The following ARHGEF7 variants were observed in gnomAD, a reference collection of about 807,000 sequenced individuals.
ARHGEF7 encodes the protein PAK-interacting exchange factor beta.
A neutral mutation model predicts 109.8 loss-of-function variants in ARHGEF7; 33 were observed. That is an observed-to-expected ratio of 0.30 (90% CI 0.23 to 0.40). The LOEUF (loss-of-function observed/expected upper bound fraction) is 0.40. Among genes scored for constraint, ARHGEF7 ranks in the 10% least tolerant of loss-of-function variants. The pLI, the probability that ARHGEF7 is intolerant of heterozygous loss-of-function variation, is 1.00. For synonymous variants in ARHGEF7, 458 were observed against 424.6 expected (o/e 1.08, Z -0.97); for missense variants, 938 against 1,098.5 (o/e 0.85, Z 2.07).
At position 111,273,415 on chromosome 13, in the gene ARHGEF7, A is replaced by C. The variant is rs925322285; in HGVS notation, c.1074-399A>C. On this transcript the variant is annotated intron_variant, in intron 9 of 21. Coordinates refer to ENST00000646102, the MANE Select transcript of ARHGEF7 (RefSeq NM_001354046.2). This position sits in a 1 kb window ranked among gnomAD's most constrained non-coding sequence, Gnocchi z 4.5. ...TACCATCAGTGTGCTCTAGCTCTTTACCGGAGCAGCTCGGTCCTTGTTCTA... is the reference window on the plus strand; with the variant it reads ...TACCATCAGTGTGCTCTAGCTCTTTCCCGGAGCAGCTCGGTCCTTGTTCTA... Among the ~76,000 whole-genome samples the C allele has an allele frequency of 4.1e-4, 63 of 152,334 alleles. No individual in the cohort carries two copies. Among genetic ancestry groups the C allele is most frequent in the African/African-American group, 1.5e-3 (62 of 41,576 alleles).
chr13:111,197,374 C>G (rs772000380), intron 2 of ARHGEF7, among the ~76,000 whole-genome samples: 4 of 152,130 alleles, frequency 2.6e-5, no homozygotes, highest in Admixed American at 6.5e-5. Flanking sequence ...TGGCCCTTAC[C>G]GACGCATTCT....
intron 19 of ARHGEF7, among the ~76,000 whole-genome samples, chr13:111,298,960 T>G (rs1000648241): frequency 6.6e-6 from 1 of 152,232 alleles, no homozygotes; most frequent in African/African-American, 2.4e-5. Flanking sequence ...TCATTTTCCA[T>G]TATCGGTGTG....
At chr13:111,190,795 A>T (rs1478131791) in intron 2 of ARHGEF7, among the ~76,000 whole-genome samples, 1 of 152,206 alleles carries the variant, frequency 6.6e-6, no homozygotes, top group East Asian at 1.9e-4. Flanking sequence ...TCGATGTTCC[A>T]CATAAGAAGA....
At chr13:111,151,046 G>T (rs2075863473) in intron 1 of ARHGEF7, among the ~76,000 whole-genome samples, 1 of 152,170 alleles carries the variant, frequency 6.6e-6, no homozygotes, top group Admixed American at 6.5e-5. Context: ...AGGGCTCATG[G>T]GTTTTGGGCT....
intron 2 of ARHGEF7, among the ~76,000 whole-genome samples, chr13:111,204,966 G>A (rs2081612605): frequency 1.3e-5 from 2 of 152,148 alleles, no homozygotes; most frequent in South Asian, 2.1e-4. Flanking sequence ...CGCAAGCACC[G>A]TGCTTGCTTG....
intron 1 of ARHGEF7, among the ~76,000 whole-genome samples, chr13:111,133,910 C>A (rs1338739414): frequency 6.7e-6 from 1 of 149,846 alleles, no homozygotes; most frequent in Non-Finnish European, 1.5e-5. Context: ...CCATTAACTC[C>A]TCATTTACAT....
chr13:111,292,823 C>T (rs2093330151), intron 19 of ARHGEF7: 1 of 992,746 alleles, frequency 1.0e-6, no homozygotes. Context: ...AGCAAAGGTG[C>T]TGTGAGCCCA....
intron 19 of ARHGEF7, 37 bp from the exon 20 acceptor site, chr13:111,300,711 C>T (rs1359472617): frequency 8.6e-6 from 12 of 1,388,382 alleles, no homozygotes; most frequent in Non-Finnish European, 1.1e-5. Flanking sequence ...CCATGGTATT[C>T]GCCTGAGGTT....
At chr13:111,175,469 G>C (rs866259896) in intron 2 of ARHGEF7, among the ~76,000 whole-genome samples, 17 of 152,298 alleles carry the variant, frequency 1.1e-4, no homozygotes, top group African/African-American at 3.4e-4. Flanking sequence ...GTGTGGGGAA[G>C]GGCACCCAGG....
chr13:111,155,247 C>T (rs1325884069), intron 2 of ARHGEF7, among the ~76,000 whole-genome samples: 2 of 152,272 alleles, frequency 1.3e-5, no homozygotes, highest in South Asian at 2.1e-4. Flanking sequence ...TGTAGGATAA[C>T]CCAACAGAGG....
intron 17 of ARHGEF7, among the ~76,000 whole-genome samples, chr13:111,286,973 T>C (rs1223514683): frequency 6.6e-6 from 1 of 152,176 alleles, no homozygotes; most frequent in Non-Finnish European, 1.5e-5. Context: ...GTGTCTGAGC[T>C]CAGCCTTTGT....
intron 8 of ARHGEF7, among the ~76,000 whole-genome samples, chr13:111,261,568 A>G (rs961195207): frequency 6.6e-6 from 1 of 152,204 alleles, no homozygotes; most frequent in Admixed American, 6.5e-5. Context: ...AAAAGCAACA[A>G]AGACACTTGA....
chr13:111,124,299 G>T (rs76376999), intron 1 of ARHGEF7, among the ~76,000 whole-genome samples: 1,956 of 152,330 alleles, frequency 0.013, 47 homozygotes, highest in African/African-American at 0.045. Flanking sequence ...AAATGACCAG[G>T]AAGTCCTGTG....
chr13:111,130,853 C>T (rs947229608), intron 1 of ARHGEF7, among the ~76,000 whole-genome samples: 18 of 152,082 alleles, frequency 1.2e-4, no homozygotes, highest in African/African-American at 2.9e-4. Context: ...GCATAGCTGT[C>T]GTAAGAGGAG....
intron 6 of ARHGEF7, chr13:111,241,388 T>C (rs2087758870): frequency 2.6e-6 from 4 of 1,529,162 alleles, no homozygotes; most frequent in Non-Finnish European, 3.5e-6. Flanking sequence ...AGCAACCTCC[T>C]GGCAGAGGGA....
chr13:111,261,461 A>G (rs1447900330), intron 8 of ARHGEF7, among the ~76,000 whole-genome samples: 3 of 152,236 alleles, frequency 2.0e-5, no homozygotes, highest in Non-Finnish European at 4.4e-5. Flanking sequence ...CAGATAATAT[A>G]AAGCAAGTAT....
chr13:111,176,531 TGGG>T (rs2078179606), intron 2 of ARHGEF7, among the ~76,000 whole-genome samples: 1 of 152,202 alleles, frequency 6.6e-6, no homozygotes, highest in Non-Finnish European at 1.5e-5. Flanking sequence ...CTGTGCCCTG[TGGG>T]GTGACCCACG....
rs931961092 is a variant in ARHGEF7, at chr13:111,283,464, C to T, written c.1950+101C>T. The T allele has an allele frequency of 4.1e-6, 6 of 1,456,418 alleles. No individual in the cohort carries two copies. In the African/African-American group the frequency reaches 8.5e-5, roughly 21 times the overall value. The allele number at this position is 1,456,418 out of a possible 1,614,324, so 90.2% of individuals were successfully genotyped here. ...GCCTTCTGTGTACAGCAAAATGCAC[C>T]CTAACTCCTAGAGAACTGAGAAGGG... is the stretch of plus-strand genomic sequence containing the variant. On this transcript the variant is annotated intron_variant, in intron 16 of 21. Coordinates refer to ENST00000646102, the MANE Select transcript of ARHGEF7 (RefSeq NM_001354046.2).
intron 3 of ARHGEF7, 81 bp from the exon 4 acceptor site, chr13:111,209,791 G>C: frequency 6.6e-7 from 1 of 1,515,902 alleles, no homozygotes. Flanking sequence ...TGCTGCCCTA[G>C]TTTTAAAGTC....
Sources: gnomAD v4.1 joint callset for allele counts (sites outside exome capture counted in the v4.1 genomes callset) on GRCh38, gnomAD v4.1.1 for gene constraint, Gnocchi (gnomAD v3.1) non-coding constraint, MANE v1.5 for transcripts, NCBI Gene and HGNC (gene_info 2026-07-23, HGNC 2026-07-21) for gene names.